Variants in BTNL2 observed in about 807,000 individuals in gnomAD.
BTNL2 encodes butyrophilin-like protein 2.
BTNL2 carries 46 observed loss-of-function variants against 46.8 expected under a neutral mutation model. The ratio of observed to expected loss-of-function variants is 0.98; its 90% CI spans 0.78 to 1.26. The LOEUF is 1.26. Among genes scored for constraint, BTNL2 ranks in the 50% most tolerant of loss-of-function variants. The probability of loss-of-function intolerance (pLI) is 0.00; values close to 1 mark genes in which losing one functional copy is unlikely to be tolerated. For missense variants in BTNL2, 461 were observed against 592.6 expected (o/e 0.78, Z 2.31); for synonymous variants, 226 against 229.1 (o/e 0.99, Z 0.12).
At chr6:32,402,900 T>C in intron 3 of BTNL2, 35 bp downstream of exon 3, 1 of 1,601,304 alleles carries the variant, frequency 6.2e-7, no homozygotes, top group Middle Eastern at 1.7e-4. Context: ...CTCCTGCTGA[T>C]CTGAGCATGT....
At position 32,395,125 on chromosome 6, in the gene BTNL2, A is replaced by G. The variant is rs564849564; in HGVS notation, c.1079-100T>C. 1.5e-4 allele frequency: 186 copies of G among 1,266,306 alleles called. No homozygotes were observed. The African/African-American group carries it at 2.7e-3, about 18-fold the overall frequency. The allele number at this position is 1,266,306 out of a possible 1,614,324, so 78.4% of individuals were successfully genotyped here. A position where few individuals can be genotyped will look rare whatever the true frequency, so the allele number is the denominator to read the frequency against. On this transcript the variant is annotated intron_variant, in intron 5 of 7. Transcript: ENST00000454136. ...AGAAGGGGATGTGGAGGGCTTGGGG[A>G]AGGGAGAAAAGCTTAAGGGGGATTG...
intron 1 of BTNL2, among the ~76,000 whole-genome samples, chr6:32,405,732 G>T (rs1482423983): frequency 1.3e-5 from 2 of 150,778 alleles, no homozygotes; most frequent in Non-Finnish European, 3.0e-5. Context: ...TTATTTTCCT[G>T]AAGTTTAGAT....
At chr6:32,404,896 A>C (rs1254869500) in intron 2 of BTNL2, 43 bp downstream of exon 2, 2 of 1,553,234 alleles carry the variant, frequency 1.3e-6, no homozygotes, top group East Asian at 2.2e-5. Context: ...AAATTAATAT[A>C]TCTCTGCCTC....
intron 2 of BTNL2, chr6:32,403,626 A>G (rs1776929212): frequency 6.2e-6 from 1 of 161,630 alleles, no homozygotes; most frequent in Non-Finnish European, 1.3e-5. Context: ...TTGAACTCCA[A>G]TTTGATTGAA....
intron 4 of BTNL2, among the ~76,000 whole-genome samples, chr6:32,397,239 G>C (rs117231246): frequency 0.012 from 1,851 of 152,278 alleles, 68 homozygotes; most frequent in East Asian, 0.11. Flanking sequence ...AGGAGCTAAG[G>C]CTAACTTAGG....
rs34423804 is a variant in BTNL2, at chr6:32,396,269, T to G, written c.848A>C (p.Asp283Ala). 1.2e-6 allele frequency: 2 copies of G among 1,613,012 alleles called. No homozygotes were observed. Among genetic ancestry groups the G allele is most frequent in the Non-Finnish European group, 1.7e-6 (2 of 1,180,002 alleles). Residue 283 changes from aspartate to alanine, a missense_variant, in exon 5 of 8, where the codon GAC becomes GCC. Physicochemically the swap from Asp to Ala is moderately radical, Grantham distance 126. Coordinates refer to ENST00000454136, the MANE Select transcript of BTNL2 (RefSeq NM_001304561.2). The surrounding 1 kb of genome is among the most constrained non-coding windows in gnomAD (Gnocchi z 4.4). ...CACAGCAGGGTAACGGTGGGATCGG[T>G]CCCACCTCACCTCCATGCTCTGTGC... ...ANAQSMEVRW[D>A]RSHRYPAVHV...
intron 2 of BTNL2, among the ~76,000 whole-genome samples, chr6:32,404,487 G>A (rs1487666448): frequency 1.3e-5 from 2 of 152,186 alleles, no homozygotes; most frequent in African/African-American, 4.8e-5. Context: ...CAGTCTTGTT[G>A]ATAGCTTTCT....
intron 5 of BTNL2, among the ~76,000 whole-genome samples, chr6:32,395,396 A>G (rs1380897110): frequency 6.6e-6 from 1 of 152,200 alleles, no homozygotes; most frequent in African/African-American, 2.4e-5. Flanking sequence ...TCTACGTCCA[A>G]TGGCAGAAAA....
rs554725615 is a variant in BTNL2 at position 32,395,128 on chromosome 6, G to A, written c.1079-103C>T. 3.2e-4 allele frequency: 408 copies of A among 1,255,506 alleles called. 3 individuals carry two copies. The African/African-American group carries it at 5.4e-3, about 16-fold the overall frequency. The allele number at this position is 1,255,506 out of a possible 1,614,324, so 77.8% of individuals were successfully genotyped here. A position where few individuals can be genotyped will look rare whatever the true frequency, so the allele number is the denominator to read the frequency against. ...AGGGGATGTGGAGGGCTTGGGGAAG[G>A]GAGAAAAGCTTAAGGGGGATTGCAC... is the stretch of plus-strand genomic sequence containing the variant. On this transcript the variant is annotated intron_variant, in intron 5 of 7. Coordinates refer to ENST00000454136, the MANE Select transcript of BTNL2 (RefSeq NM_001304561.2).
intron 4 of BTNL2, 82 bp downstream of exon 4, chr6:32,401,703 A>T (rs920835547): frequency 7.4e-7 from 1 of 1,359,802 alleles, no homozygotes; most frequent in Non-Finnish European, 1.0e-6. Flanking sequence ...TCTGGGTCAC[A>T]TGGTCTCGTG....
chr6:32,397,692 A>C (rs1413867825), intron 4 of BTNL2, among the ~76,000 whole-genome samples: 2 of 152,156 alleles, frequency 1.3e-5, no homozygotes, highest in African/African-American at 4.8e-5. Flanking sequence ...AGTTTGCATT[A>C]AGTGCCTGGA....
chr6:32,401,065 G>T (rs189908927), intron 4 of BTNL2, among the ~76,000 whole-genome samples: 5 of 146,348 alleles, frequency 3.4e-5, no homozygotes, highest in Non-Finnish European at 7.5e-5. Context: ...AAAATTAGCC[G>T]GGCGTGGTGG....
At chr6:32,403,490 G>A (rs1776921400) in intron 2 of BTNL2, among the ~76,000 whole-genome samples, 1 of 152,136 alleles carries the variant, frequency 6.6e-6, no homozygotes, top group Non-Finnish European at 1.5e-5. Flanking sequence ...ATTTTGCAAC[G>A]CCTCTAGCAC....
chr6:32,401,815 G>A lies in BTNL2; in HGVS notation c.710-10C>T. 6.2e-7 allele frequency: 1 copy of A among 1,609,516 alleles called. No homozygotes were observed. The highest frequency in any genetic ancestry group is 8.5e-7 in the Non-Finnish European group (1 of 1,177,564). Reference sequence around the variant, plus strand: ...TCAGTCTGGAGTTTCTCTGGAAAAAGAACAAGAATAACATATTAAGGAATT... The same window carrying A: ...TCAGTCTGGAGTTTCTCTGGAAAAAAAACAAGAATAACATATTAAGGAATT... On this transcript the variant is annotated splice_polypyrimidine_tract_variant and intron_variant, in intron 3 of 7. Coordinates refer to ENST00000454136, the MANE Select transcript of BTNL2 (RefSeq NM_001304561.2).
In BTNL2 at chr6:32,403,125, G is replaced by T. The variant is rs1776895195; in HGVS notation, c.519C>A (p.Pro173=). 2 of 1,612,816 alleles carry T rather than the reference G, an allele frequency of 1.2e-6. No homozygotes were observed. Among genetic ancestry groups the T allele is most frequent in the Non-Finnish European group, 1.7e-6 (2 of 1,179,902 alleles). Residue 173 remains proline (P), a synonymous_variant, in exon 3 of 8, where the codon CCC becomes CCA. Coordinates refer to ENST00000454136, the MANE Select transcript of BTNL2 (RefSeq NM_001304561.2). ...VCTARGWFPE[P]QVYWEDIRGE... ...CCCGGATGTCTTCCCAATACACCTG[G>T]GGCTCTGGGAACCAGCCCCTTGCAG...
chr6:32,406,178 T>A (rs1177615897), intron 1 of BTNL2: 1 of 152,340 alleles, frequency 6.6e-6, no homozygotes, highest in Non-Finnish European at 1.5e-5. Flanking sequence ...AAATAGATGC[T>A]GCTCAAAAGG....
intron 2 of BTNL2, 104 bp from the exon 3 acceptor site, chr6:32,403,320 A>G (rs1033977140): frequency 7.9e-7 from 1 of 1,263,060 alleles, no homozygotes; most frequent in African/African-American, 1.5e-5. Flanking sequence ...GCCGGAGTTC[A>G]GGAGTCTGAG....
In BTNL2 at chr6:32,404,878, C is replaced by A. The variant is rs1012485572; in HGVS notation, c.427+61G>T. 25 of 1,485,640 alleles carry A rather than the reference C, an allele frequency of 1.7e-5. 1 individual carries two copies. The highest frequency in any genetic ancestry group is 3.4e-5 in the Admixed American group (2 of 58,790). 92.0% of individuals were successfully genotyped at this position (1,485,640 alleles called of 1,614,324 possible). A position where few individuals can be genotyped will look rare whatever the true frequency, so the allele number is the denominator to read the frequency against. On this transcript the variant is annotated intron_variant, in intron 2 of 7. Coordinates refer to ENST00000454136, the MANE Select transcript of BTNL2 (RefSeq NM_001304561.2). ...AAGGATTTCCTCAACTGTCACAAAGCTTACCACAAATTAATATATCTCTGC... is the reference window on the plus strand; with the variant it reads ...AAGGATTTCCTCAACTGTCACAAAGATTACCACAAATTAATATATCTCTGC...
At position 32,403,031 on chromosome 6, in the gene BTNL2, T is replaced by C. The variant is rs2150319554; in HGVS notation, c.613A>G (p.Thr205Ala). The change falls in exon 3 of 8, where the codon ACC becomes GCC. Residue 205 changes from threonine (T) to alanine (A), a missense_variant. By Grantham distance (58) the Thr-to-Ala change is moderately conservative. Transcript: ENST00000454136. ...GCAGAGGCGTTCCTGACCACCAGGGTGGCTTCCGCATAGAACAGGCCATCT... is the reference window on the plus strand; with the variant it reads ...GCAGAGGCGTTCCTGACCACCAGGGCGGCTTCCGCATAGAACAGGCCATCT... Reference protein sequence around the residue: ...DKDGLFYAEATLVVRNASAES... With the variant: ...DKDGLFYAEAALVVRNASAES... The C allele has an allele frequency of 6.2e-7, 1 of 1,612,780 alleles. No homozygotes were observed. Among genetic ancestry groups the C allele is most frequent in the South Asian group, 1.1e-5 (1 of 91,058 alleles).
Sources: allele counts gnomAD v4.1 joint callset (sites outside exome capture counted in the v4.1 genomes callset), GRCh38; gene constraint gnomAD v4.1.1; non-coding constraint Gnocchi (gnomAD v3.1); transcripts MANE v1.5; gene names NCBI Gene and HGNC (gene_info 2026-07-23, HGNC 2026-07-21).